POLE2: variants seen among roughly 807,000 people sequenced by gnomAD.
POLE2 encodes the protein DNA polymerase epsilon subunit 2.
Under a neutral mutation model 79.4 loss-of-function variants are expected in POLE2, and 56 were observed. The observed-to-expected ratio is 0.71, with a 90% CI of 0.57 to 0.88. The LOEUF (loss-of-function observed/expected upper bound fraction) is 0.88, where lower values mean the gene tolerates loss of function less well. POLE2 is among the 40% of genes least tolerant of loss of function. The pLI, the probability that POLE2 is intolerant of heterozygous loss-of-function variation, is 0.00. For synonymous variants in POLE2, 212 were observed against 214.0 expected, an observed-to-expected ratio of 0.99 and a Z score of 0.08; for missense variants, 598 against 638.9, an observed-to-expected ratio of 0.94 and a Z score of 0.69.
At chr14:49,668,294 A>AGGAAGGG (rs1005971260) in intron 6 of POLE2, among the ~76,000 whole-genome samples, 1 of 151,650 alleles carries the variant, frequency 6.6e-6, no homozygotes, top group African/African-American at 2.4e-5. Context: ...AAAGGGAAGG[A>AGGAAGGG]GGAAGGGGGA....
chr14:49,661,200 T>C (rs2139641296), intron 10 of POLE2, among the ~76,000 whole-genome samples: 1 of 147,858 alleles, frequency 6.8e-6, no homozygotes, highest in East Asian at 1.9e-4. Context: ...CTTCTTAACC[T>C]AACTCTTCAA....
Position 49,674,407 on chromosome 14 carries a change from A to G in POLE2, c.266T>C (p.Ile89Thr), listed in dbSNP as rs1381482854. 6.2e-7 allele frequency: 1 copy of G among 1,609,338 alleles called. No individual in the cohort carries two copies. Among genetic ancestry groups the G allele is most frequent in the East Asian group, 2.2e-5 (1 of 44,830 alleles). The change falls in exon 4 of 19, where the codon ATA becomes ACA. Residue 89 changes from isoleucine to threonine, a missense_variant. Ile to Thr is a moderately conservative substitution (Grantham distance 89). Transcript: ENST00000216367. ...DETIEHVFNI[I>T]GAFDIPRFVY... Reference sequence around the variant, plus strand: ...AAAGCGTGGAATATCAAATGCTCCTATGATATTGAAAACGTGCTCTCTGAA... The same window carrying G: ...AAAGCGTGGAATATCAAATGCTCCTGTGATATTGAAAACGTGCTCTCTGAA...
At position 49,650,400 on chromosome 14, in the gene POLE2, T is replaced by C. The variant is rs1884128698; in HGVS notation, c.1362A>G (p.Leu454=). 6.3e-7 allele frequency: 1 copy of C among 1,579,704 alleles called. No individual in the cohort carries two copies. Among genetic ancestry groups the C allele is most frequent in the Non-Finnish European group, 8.6e-7 (1 of 1,161,312 alleles). The part of the protein sequence containing the change: ...TILSQGHLTP[L]PLYVCPVYWA... ...AATACACTGGGCAGACATAAAGAGG[T>C]AGGGGAGTCAGATGTCCTTGGGATA... Residue 454 remains leucine (L), a synonymous_variant, in exon 17 of 19, where the codon CTA becomes CTG. Coordinates refer to ENST00000216367, the MANE Select transcript of POLE2 (RefSeq NM_002692.4).
chr14:49,677,656 C>A, intron 3 of POLE2: 1 of 786,516 alleles, frequency 1.3e-6, no homozygotes, highest in Non-Finnish European at 2.0e-6. Flanking sequence ...TGATATATGC[C>A]ACAATGTTTG....
chr14:49,645,334 A>ATTT (rs1883687191), intron 18 of POLE2, among the ~76,000 whole-genome samples: 1 of 152,230 alleles, frequency 6.6e-6, no homozygotes, highest in East Asian at 1.9e-4. Context: ...ATCAACTTTG[A>ATTT]CTACATTTCT....
chr14:49,687,300 CCACACACACACACACACACACA>C (rs60811856), intron 1 of POLE2, among the ~76,000 whole-genome samples: 7 of 139,744 alleles, frequency 5.0e-5, no homozygotes, highest in East Asian at 2.1e-4. Flanking sequence ...TACACACACA[CCACACACACACACACACACACA>C]CACACACACA....
chr14:49,649,137 C>CTTTTTTTTTTTTTTT (rs374201091), intron 17 of POLE2, among the ~76,000 whole-genome samples: 1 of 108,786 alleles, frequency 9.2e-6, no homozygotes, highest in African/African-American at 4.1e-5. Context: ...ATTTCTTTCC[C>CTTTTTTTTTTTTTTT]TTTTTTTTTT....
rs561618922 is a variant in POLE2, at chr14:49,672,602, C to T, written c.417+1521G>A. The stretch of plus-strand genomic sequence containing the variant: ...ATAACCTCCGCCTCCCAGGTTCAAG[C>T]GATTCTCCTGCCTCAGCCTCCCAAG... On this transcript the variant is annotated intron_variant, in intron 5 of 18. Transcript: ENST00000216367. Among the ~76,000 whole-genome samples the T allele has an allele frequency of 6.6e-5, 10 of 151,858 alleles. No homozygotes were observed. The South Asian group carries it at 1.2e-3, about 19-fold the overall frequency.
chr14:49,675,910 C>A (rs1051910019), intron 3 of POLE2, among the ~76,000 whole-genome samples: 3 of 152,072 alleles, frequency 2.0e-5, no homozygotes, highest in African/African-American at 7.2e-5. Context: ...CCCTCCACCA[C>A]GCCCAGCTAA....
chr14:49,647,680 A>G (rs1025183776), intron 17 of POLE2, among the ~76,000 whole-genome samples: 1 of 151,124 alleles, frequency 6.6e-6, no homozygotes, highest in Non-Finnish European at 1.5e-5. Context: ...CTAGTCTTGA[A>G]CTCTTGGGCA....
At position 49,664,681 on chromosome 14, in the gene POLE2, A is replaced by G. The variant is rs1429534824; in HGVS notation, c.634-7T>C. On this transcript the variant is annotated splice_region_variant and splice_polypyrimidine_tract_variant and intron_variant, in intron 8 of 18. Transcript: ENST00000216367. The stretch of plus-strand genomic sequence containing the variant: ...ATAAACCACTATGGAACTGGTACAC[A>G]ACAGTTGAGGAAAATAATTCTATTC... 6.4e-6 allele frequency: 10 copies of G among 1,560,984 alleles called. No homozygotes were observed. Among genetic ancestry groups the G allele is most frequent in the Non-Finnish European group, 8.8e-6 (10 of 1,132,534 alleles).
intron 13 of POLE2, 142 bp from the exon 14 acceptor site, chr14:49,654,356 GTCTCCA>G: frequency 1.5e-6 from 1 of 656,422 alleles, no homozygotes; most frequent in South Asian, 2.1e-5. Context: ...GAACTATTAA[GTCTCCA>G]GACCAACACT....
intron 18 of POLE2, among the ~76,000 whole-genome samples, chr14:49,646,098 G>A (rs767215568): frequency 4.6e-5 from 7 of 152,068 alleles, no homozygotes; most frequent in African/African-American, 7.2e-5. Context: ...CAAGTGGGCT[G>A]GAAAAGAGCC....
chr14:49,685,437 C>A (rs1455906280), intron 1 of POLE2, among the ~76,000 whole-genome samples: 1 of 152,136 alleles, frequency 6.6e-6, no homozygotes, highest in African/African-American at 2.4e-5. Flanking sequence ...TTGGTTGCAT[C>A]TTGGGACAGT....
intron 10 of POLE2, among the ~76,000 whole-genome samples, chr14:49,658,724 G>T (rs1884889708): frequency 6.6e-6 from 1 of 152,176 alleles, no homozygotes; most frequent in Non-Finnish European, 1.5e-5. Context: ...ACACATTACT[G>T]TGTCTGTAGA....
chr14:49,649,137 C>CTTTTTTT (rs374201091), intron 17 of POLE2, among the ~76,000 whole-genome samples: 6 of 108,784 alleles, frequency 5.5e-5, no homozygotes, highest in African/African-American at 8.1e-5. Flanking sequence ...ATTTCTTTCC[C>CTTTTTTT]TTTTTTTTTT....
At chr14:49,659,079 C>T (rs1022476445) in intron 10 of POLE2, among the ~76,000 whole-genome samples, 2 of 152,190 alleles carry the variant, frequency 1.3e-5, no homozygotes, top group Non-Finnish European at 2.9e-5. Flanking sequence ...GGTTAATACA[C>T]TTGTTTTAGT....
intron 3 of POLE2, chr14:49,677,958 C>A: frequency 3.6e-6 from 1 of 281,652 alleles, no homozygotes; most frequent in Non-Finnish European, 6.6e-6. Flanking sequence ...CCATCACTCA[C>A]TGGAATCTCT....
At chr14:49,663,431 T>A in intron 9 of POLE2, 44 bp from the exon 10 acceptor site, 13 of 1,337,888 alleles carry the variant, frequency 9.7e-6, no homozygotes, top group Non-Finnish European at 1.4e-5. Flanking sequence ...ATCCTCTATG[T>A]TTGAAAGGAC....
Sources: gnomAD v4.1 joint callset for allele counts (sites outside exome capture counted in the v4.1 genomes callset) on GRCh38, gnomAD v4.1.1 for gene constraint, MANE v1.5 for transcripts, NCBI Gene and HGNC (gene_info 2026-07-23, HGNC 2026-07-21) for gene names.